TM4SF20: variants seen among roughly 807,000 people sequenced by gnomAD.
The protein encoded by TM4SF20 is transmembrane 4 L six family member 20, also known as transmembrane 4 L6 family member 20.
Under a neutral mutation model 15.1 loss-of-function variants are expected in TM4SF20, and 13 were observed. The ratio of observed to expected loss-of-function variants is 0.86; its 90% confidence interval spans 0.56 to 1.36. TM4SF20 has a LOEUF of 1.36. Ranked by LOEUF, TM4SF20 falls within the 40% of genes most tolerant of loss-of-function variation. The pLI, the probability that TM4SF20 is intolerant of heterozygous loss-of-function variation, is 0.00. For missense variants in TM4SF20, 282 were observed against 268.4 expected, an observed-to-expected ratio of 1.05 and a Z score of -0.35; for synonymous variants, 92 against 96.6, an observed-to-expected ratio of 0.95 and a Z score of 0.28.
rs191747817 is a variant in TM4SF20, at chr2:227,376,748, C to T, written c.183+2338G>A. On this transcript the variant is annotated intron_variant, in intron 1 of 3. Transcript: ENST00000304568. Reference sequence around the variant, plus strand: ...GATTATATCTTTCACCTCTGGCAGCCCTGAGACAGGTGTTGAGGACTACGG... The same window carrying T: ...GATTATATCTTTCACCTCTGGCAGCTCTGAGACAGGTGTTGAGGACTACGG... Among the ~76,000 whole-genome samples, 161 of 152,252 alleles carry T rather than the reference C, an allele frequency of 1.1e-3. 1 individual carries two copies. The highest frequency in any genetic ancestry group is 1.3e-4 in the Non-Finnish European group (9 of 68,028).
intron 1 of TM4SF20, among the ~76,000 whole-genome samples, chr2:227,375,994 G>C (rs71431037): frequency 0.13 from 19,487 of 152,068 alleles, 1,288 homozygotes; most frequent in Admixed American, 0.16. Flanking sequence ...CATTTGTATT[G>C]ATTTTTCCAT....
At chr2:227,366,294 C>G in intron 2 of TM4SF20, 50 bp from the exon 3 acceptor site, 1 of 1,541,606 alleles carries the variant, frequency 6.5e-7, no homozygotes, top group East Asian at 2.3e-5. Flanking sequence ...TGTTCTTGAT[C>G]TGTTTCAAGC....
At chr2:227,368,019 ATTTT>A (rs1226126996) in intron 2 of TM4SF20, among the ~76,000 whole-genome samples, 2 of 120,562 alleles carry the variant, frequency 1.7e-5, no homozygotes, top group Admixed American at 9.3e-5. Flanking sequence ...TTAACCATCT[ATTTT>A]TTTTTTTTTT....
chr2:227,363,963 A>T lies in TM4SF20; in HGVS notation c.451T>A (p.Cys151Ser). Residue 151 changes from cysteine to serine, a missense_variant, in exon 4 of 4, where the codon TGT becomes AGT. By Grantham distance (112) the Cys-to-Ser change is moderately radical. Coordinates refer to ENST00000304568, the MANE Select transcript of TM4SF20 (RefSeq NM_024795.4). ...FNLQWFFNDS[C>S]APPTGFNKPT... ...TTATTGAAACCAGTAGGAGGTGCACAAGAGTCATTGAAAAACCACTGCAAG... is the reference window on the plus strand; with the variant it reads ...TTATTGAAACCAGTAGGAGGTGCACTAGAGTCATTGAAAAACCACTGCAAG... 1 of 1,614,000 alleles carries T rather than the reference A, an allele frequency of 6.2e-7. No homozygotes were observed.
chr2:227,366,142 A>G lies in TM4SF20; in HGVS notation c.352T>C (p.Ser118Pro). Residue 118 changes from serine (S) to proline (P), a missense_variant, in exon 3 of 4, where the codon TCT (serine) becomes CCT (proline). Coordinates refer to ENST00000304568, the MANE Select transcript of TM4SF20 (RefSeq NM_024795.4). ...CAATTGGCATTACTGTTGCTTGGAG[A>G]ATTACACATGAGAGGACCTTTTAAG... ...ALLKGPLMCN[S>P]PSNSNANCEF... The G allele has an allele frequency of 6.2e-7, 1 of 1,613,886 alleles. No homozygotes were observed. The highest frequency in any genetic ancestry group is 8.5e-7 in the Non-Finnish European group (1 of 1,179,928).
In TM4SF20 at chr2:227,379,176, A is replaced by G. The variant is rs745723548; in HGVS notation, c.93T>C (p.Ile31=). 6.2e-7 allele frequency: 1 copy of G among 1,614,220 alleles called. No homozygotes were observed. The highest frequency in any genetic ancestry group is 8.5e-7 in the Non-Finnish European group (1 of 1,180,034). ...LGVVLNAIPL[I]VSLVEEDQFS... ...ATTGGTCTTCCTCAACTAAGCTGAC[A>G]ATTAGAGGTATCGCATTGAGAACTA... Residue 31 remains isoleucine, a synonymous_variant, in exon 1 of 4, where the codon ATT becomes ATC. Transcript: ENST00000304568.
chr2:227,371,629 G>A (rs780793818), intron 1 of TM4SF20, among the ~76,000 whole-genome samples: 6 of 152,142 alleles, frequency 3.9e-5, no homozygotes, highest in South Asian at 2.1e-4. Flanking sequence ...CGCCTGGCCC[G>A]ATTTCCCAGA....
At chr2:227,378,974 A>G in intron 1 of TM4SF20, 112 bp downstream of exon 1, 1 of 1,089,142 alleles carries the variant, frequency 9.2e-7, no homozygotes, top group Non-Finnish European at 1.3e-6. Flanking sequence ...TACTGCTCCA[A>G]ATTTTATCAT....
At position 227,366,175 on chromosome 2, in the gene TM4SF20, G is replaced by A; in HGVS notation, c.319C>T (p.Gln107Ter). 6.2e-7 allele frequency: 1 copy of A among 1,613,962 alleles called. No individual in the cohort carries two copies. Among genetic ancestry groups the A allele is most frequent in the Non-Finnish European group, 8.5e-7 (1 of 1,179,872 alleles). Residue 107 changes from glutamine to a stop codon, truncating the protein, a stop_gained, in exon 3 of 4, where the codon CAG becomes TAG. Coordinates refer to ENST00000304568, the MANE Select transcript of TM4SF20 (RefSeq NM_024795.4). LOFTEE classifies it high-confidence loss of function. ...ATGAGAGGACCTTTTAAGAGAGCCT[G>A]GATGGATATCAGCATGCAATACAGA... is the stretch of plus-strand genomic sequence containing the variant. ...GALYCMLISI[Q>*]ALLKGPLMCN...
chr2:227,369,444 T>TTTTC (rs2106491126), intron 2 of TM4SF20, among the ~76,000 whole-genome samples: 1 of 151,324 alleles, frequency 6.6e-6, no homozygotes, highest in Admixed American at 6.6e-5. Context: ...TTTTTTTTTT[T>TTTTC]TGAGAGAGTC....
intron 1 of TM4SF20, 22 bp from the exon 2 acceptor site, chr2:227,371,002 A>AAG: frequency 6.2e-7 from 1 of 1,603,124 alleles, no homozygotes; most frequent in Non-Finnish European, 8.5e-7. Context: ...ATCAACAGGA[A>AAG]AGATGAGTAT....
intron 2 of TM4SF20, 34 bp from the exon 3 acceptor site, chr2:227,366,278 A>T (rs1473807532): frequency 2.8e-5 from 44 of 1,596,182 alleles, no homozygotes; most frequent in Non-Finnish European, 3.8e-5. Context: ...TGCACATGTT[A>T]TGACATGTTC....
intron 1 of TM4SF20, 145 bp from the exon 2 acceptor site, chr2:227,371,125 G>A: frequency 5.5e-6 from 4 of 724,490 alleles, no homozygotes; most frequent in Non-Finnish European, 7.3e-6. Context: ...CCGTGGTTTT[G>A]TGAACCTTGT....
At chr2:227,364,074 T>C in intron 3 of TM4SF20, 62 bp from the exon 4 acceptor site, 2 of 1,473,960 alleles carry the variant, frequency 1.4e-6, no homozygotes, top group Non-Finnish European at 1.8e-6. Flanking sequence ...GAAAGTAGCA[T>C]TGTGCACATA....
chr2:227,372,035 T>C (rs1575024004), intron 1 of TM4SF20, among the ~76,000 whole-genome samples: 2 of 152,200 alleles, frequency 1.3e-5, no homozygotes, highest in Admixed American at 1.3e-4. Flanking sequence ...TTTTGTATCA[T>C]TGAAGGGTGG....
intron 1 of TM4SF20, among the ~76,000 whole-genome samples, chr2:227,374,032 C>T (rs770194307): frequency 1.6e-5 from 2 of 123,450 alleles, no homozygotes; most frequent in African/African-American, 6.0e-5. Context: ...ATTAATGATT[C>T]TTTTAAAAGA....
chr2:227,370,051 A>T (rs2106491483), intron 2 of TM4SF20, among the ~76,000 whole-genome samples: 1 of 152,326 alleles, frequency 6.6e-6, no homozygotes, highest in South Asian at 2.1e-4. Context: ...TGTTCTGAGC[A>T]GAGTGACACT....
intron 1 of TM4SF20, among the ~76,000 whole-genome samples, chr2:227,375,518 C>G (rs186127747): frequency 6.6e-6 from 1 of 152,128 alleles, no homozygotes; most frequent in Admixed American, 6.5e-5. Flanking sequence ...GAGATGGAGT[C>G]TTGCTCTGTC....
chr2:227,374,335 T>G (rs1455282931), intron 1 of TM4SF20, among the ~76,000 whole-genome samples: 1 of 152,180 alleles, frequency 6.6e-6, no homozygotes, highest in African/African-American at 2.4e-5. Context: ...TGTAATGCTG[T>G]TACTGGTGAT....
Sources: allele counts gnomAD v4.1 joint callset (sites outside exome capture counted in the v4.1 genomes callset), GRCh38; gene constraint gnomAD v4.1.1; transcripts MANE v1.5; gene names NCBI Gene and HGNC (gene_info 2026-07-23, HGNC 2026-07-21).